Variants in MLLT10 observed in about 807,000 individuals in gnomAD.
MLLT10 encodes protein AF-10.
MLLT10 carries 30 observed loss-of-function variants against 129.1 expected under a neutral mutation model. The observed-to-expected ratio is 0.23, with a 90% CI of 0.17 to 0.32. MLLT10 has a LOEUF of 0.32. Among genes scored for constraint, MLLT10 ranks in the 10% least tolerant of loss-of-function variants. MLLT10 has a pLI of 1.00. For missense variants in MLLT10, 1,119 were observed against 1,268.3 expected (o/e 0.88, Z 1.79); for synonymous variants, 490 against 446.4 (o/e 1.10, Z -1.23).
chr10:21,604,260 G>C (rs1481982963), intron 5 of MLLT10, among the ~76,000 whole-genome samples: 1 of 152,134 alleles, frequency 6.6e-6, no homozygotes, highest in Non-Finnish European at 1.5e-5. Flanking sequence ...TGAATCATTG[G>C]AATTGGCGAT....
chr10:21,534,154 A>T (rs910324000), upstream of MLLT10: 1 of 360,612 alleles, frequency 2.8e-6, no homozygotes, highest in African/African-American at 2.1e-5. Flanking sequence ...GGCCGGGGGC[A>T]GCCAACAGGC....
intron 3 of MLLT10, among the ~76,000 whole-genome samples, chr10:21,572,467 G>A (rs758888722): frequency 1.4e-4 from 21 of 152,170 alleles, no homozygotes; most frequent in Admixed American, 4.6e-4. Context: ...CTGTTGATCA[G>A]TTTGAGGAGA....
intron 8 of MLLT10, among the ~76,000 whole-genome samples, chr10:21,639,117 A>C (rs548199578): frequency 6.6e-6 from 1 of 152,312 alleles, no homozygotes; most frequent in South Asian, 2.1e-4. Flanking sequence ...ATATTCTCTC[A>C]TCACCAAACT....
chr10:21,670,427 C>T lies in MLLT10; in HGVS notation c.796-22C>T, dbSNP rs1214612939. 5.1e-6 allele frequency: 8 copies of T among 1,577,912 alleles called. No individual in the cohort carries two copies. In the Admixed American group the frequency reaches 9.6e-5, roughly 19 times the overall value. On this transcript the variant is annotated intron_variant, in intron 9 of 22. Coordinates refer to ENST00000307729, the MANE Select transcript of MLLT10 (RefSeq NM_001195626.3). ...AAATGTAATCAACTCTTTTTCCTTC[C>T]CTTTTTGAATCAAAATGTTAGACTT...
chr10:21,729,831 A>G (rs982959706), intron 16 of MLLT10, among the ~76,000 whole-genome samples: 1 of 152,226 alleles, frequency 6.6e-6, no homozygotes, highest in African/African-American at 2.4e-5. Flanking sequence ...GAGACCGGAA[A>G]TGGCCACACT....
chr10:21,642,321 C>T (rs1016930991), intron 8 of MLLT10, among the ~76,000 whole-genome samples: 1 of 151,770 alleles, frequency 6.6e-6, no homozygotes, highest in African/African-American at 2.4e-5. Context: ...CATTGCACTC[C>T]AGCCTGGGCA....
In MLLT10 at chr10:21,579,565, C is replaced by CT. The variant is rs1211623180; in HGVS notation, c.241-6715dup. On this transcript the variant is annotated intron_variant, in intron 3 of 22. Transcript: ENST00000307729. ...TCTATTTCCTCTTTCAGATTAGATT[C>CT]TTTTTTTTTTTTTTGAGGTGGAGTT... Among the ~76,000 whole-genome samples, 1,111 of 132,072 alleles carry CT rather than the reference C, an allele frequency of 8.4e-3. 7 individuals carry two copies. Among genetic ancestry groups the CT allele is most frequent in the African/African-American group, 0.011 (413 of 36,348 alleles). 86.6% of individuals were successfully genotyped at this position (132,072 alleles called of 152,430 possible). A position where few individuals can be genotyped will look rare whatever the true frequency, so the allele number is the denominator to read the frequency against.
At chr10:21,677,611 GA>G (rs1180214597) in intron 11 of MLLT10, among the ~76,000 whole-genome samples, 1 of 151,978 alleles carries the variant, frequency 6.6e-6, no homozygotes, top group African/African-American at 2.4e-5. Context: ...ATCATGACAG[GA>G]AAAAAAGTCT....
chr10:21,726,263 C>T lies in MLLT10; in HGVS notation c.1898C>T (p.Ser633Phe). 1 of 1,610,172 alleles carries T rather than the reference C, an allele frequency of 6.2e-7. No homozygotes were observed. ...ATTQANTLSG[S>F]SLSQAPSHMY... Reference sequence around the variant, plus strand: ...ATTTAGGCAAATACTCTATCTGGATCTTCTCTCAGTCAGGCACCATCTCAT... The same window carrying T: ...ATTTAGGCAAATACTCTATCTGGATTTTCTCTCAGTCAGGCACCATCTCAT... The change falls in exon 15 of 23, where the codon TCT becomes TTT. Residue 633 changes from serine to phenylalanine, a missense_variant. Physicochemically the swap from Ser to Phe is radical, Grantham distance 155. Coordinates refer to ENST00000307729, the MANE Select transcript of MLLT10 (RefSeq NM_001195626.3).
intron 8 of MLLT10, chr10:21,625,089 T>C: frequency 1.1e-6 from 1 of 884,494 alleles, no homozygotes; most frequent in Non-Finnish European, 1.8e-6. Context: ...CATGCCATAG[T>C]AATCTGGAGG....
chr10:21,575,528 A>G (rs1442536067), intron 3 of MLLT10, among the ~76,000 whole-genome samples: 1 of 151,906 alleles, frequency 6.6e-6, no homozygotes, highest in Non-Finnish European at 1.5e-5. Context: ...CTTTTTTTCT[A>G]ATGTGGTTAG....
chr10:21,739,226 T>C (rs1339919680), intron 21 of MLLT10, among the ~76,000 whole-genome samples: 4 of 152,186 alleles, frequency 2.6e-5, no homozygotes, highest in Non-Finnish European at 5.9e-5. Context: ...TTCTCCTCAC[T>C]TCCTCCTGGC....
At chr10:21,631,107 G>C (rs962192077) in intron 8 of MLLT10, among the ~76,000 whole-genome samples, 1 of 151,818 alleles carries the variant, frequency 6.6e-6, no homozygotes, top group Non-Finnish European at 1.5e-5. Flanking sequence ...TCAGGAGATC[G>C]AGACCATCCT....
At chr10:21,629,849 G>A (rs1004921757) in intron 8 of MLLT10, among the ~76,000 whole-genome samples, 13 of 152,308 alleles carry the variant, frequency 8.5e-5, no homozygotes, top group Admixed American at 3.9e-4. Flanking sequence ...TATAGTCCCA[G>A]CTGCTGGAGC....
At chr10:21,642,668 A>AG (rs1337302732) in intron 8 of MLLT10, among the ~76,000 whole-genome samples, 9 of 151,972 alleles carry the variant, frequency 5.9e-5, no homozygotes, top group South Asian at 2.1e-4. Flanking sequence ...AAAAAAAAAA[A>AG]AAAAGAAAAG....
intron 10 of MLLT10, among the ~76,000 whole-genome samples, chr10:21,672,187 G>GTGTGTGTT (rs1364864335): frequency 1.3e-5 from 2 of 151,040 alleles, no homozygotes; most frequent in African/African-American, 4.9e-5. Flanking sequence ...GTGTGTGTGT[G>GTGTGTGTT]TGTGTGTGTG....
At chr10:21,661,418 G>A (rs552300030) in intron 9 of MLLT10, among the ~76,000 whole-genome samples, 1 of 152,204 alleles carries the variant, frequency 6.6e-6, no homozygotes, top group African/African-American at 2.4e-5. Context: ...ATCAGTTTTT[G>A]CTTCATATAT....
chr10:21,627,101 A>G (rs1299998357), intron 8 of MLLT10, among the ~76,000 whole-genome samples: 1 of 152,126 alleles, frequency 6.6e-6, no homozygotes, highest in Non-Finnish European at 1.5e-5. Flanking sequence ...CAAAAATACT[A>G]CAAATAATAA....
chr10:21,731,164 T>C (rs1015078656), intron 17 of MLLT10, 110 bp downstream of exon 17: 21 of 983,490 alleles, frequency 2.1e-5, no homozygotes, highest in Middle Eastern at 2.5e-4. Context: ...GATTATGATA[T>C]ACATTTTATA....
Sources: allele counts gnomAD v4.1 joint callset (sites outside exome capture counted in the v4.1 genomes callset), GRCh38; gene constraint gnomAD v4.1.1; transcripts MANE v1.5; gene names NCBI Gene and HGNC (gene_info 2026-07-23, HGNC 2026-07-21).